LDLRAD4: variants seen among roughly 807,000 people sequenced by gnomAD.
The protein encoded by LDLRAD4 is low density lipoprotein receptor class A domain containing 4.
A neutral mutation model predicts 17.0 loss-of-function variants in LDLRAD4; 5 were observed. The ratio of observed to expected loss-of-function variants is 0.29; its 90% confidence interval spans 0.15 to 0.62. The LOEUF is 0.62. LDLRAD4 is among the 20% of genes least tolerant of loss of function. The probability of loss-of-function intolerance (pLI) is 0.84; values close to 1 mark genes in which losing one functional copy is unlikely to be tolerated. For synonymous variants in LDLRAD4, 168 were observed against 171.8 expected, an observed-to-expected ratio of 0.98 and a Z score of 0.17; for missense variants, 340 against 424.7, an observed-to-expected ratio of 0.80 and a Z score of 1.75.
intron 1 of LDLRAD4, among the ~76,000 whole-genome samples, chr18:13,353,579 T>C (rs951934623): frequency 6.6e-6 from 1 of 152,222 alleles, no homozygotes; most frequent in Non-Finnish European, 1.5e-5. Flanking sequence ...TGCCTTTTCC[T>C]AGCCTGAGAG....
At chr18:13,374,311 A>G (rs1406907590) in intron 1 of LDLRAD4, among the ~76,000 whole-genome samples, 1 of 152,236 alleles carries the variant, frequency 6.6e-6, no homozygotes, top group African/African-American at 2.4e-5. Context: ...GAGCTGGGTC[A>G]TGGACTGCAG....
At chr18:13,458,513 G>A (rs1240371608) in intron 3 of LDLRAD4, among the ~76,000 whole-genome samples, 1 of 152,214 alleles carries the variant, frequency 6.6e-6, no homozygotes, top group African/African-American at 2.4e-5. Context: ...CGCCTATTTT[G>A]AAACATTCAC....
At chr18:13,362,375 T>G (rs999141488) in intron 1 of LDLRAD4, 1 of 152,214 alleles carries the variant, frequency 6.6e-6, no homozygotes, top group Non-Finnish European at 1.5e-5. Context: ...ATAGACCTTG[T>G]AAATGGAGTT....
At chr18:13,283,513 A>G (rs1358533184) in intron 1 of LDLRAD4, among the ~76,000 whole-genome samples, 1 of 152,220 alleles carries the variant, frequency 6.6e-6, no homozygotes, top group East Asian at 1.9e-4. Flanking sequence ...AGCAAGAGTC[A>G]GTTTTGCTCC....
chr18:13,444,420 C>G (rs560337572), intron 3 of LDLRAD4, among the ~76,000 whole-genome samples: 9 of 152,310 alleles, frequency 5.9e-5, no homozygotes, highest in African/African-American at 2.2e-4. Flanking sequence ...TGTAAGAATG[C>G]AATATATCAT....
At chr18:13,240,104 A>C (rs1407723202) in intron 1 of LDLRAD4, 4 of 152,228 alleles carry the variant, frequency 2.6e-5, no homozygotes, top group African/African-American at 9.6e-5. Context: ...AACTCATTGC[A>C]CATTAGTTAA....
intron 1 of LDLRAD4, among the ~76,000 whole-genome samples, chr18:13,370,424 C>G (rs796321667): frequency 8.5e-5 from 13 of 152,170 alleles, no homozygotes; most frequent in African/African-American, 3.1e-4. Context: ...ACCTGTGGAA[C>G]CACATCTTAA....
intron 3 of LDLRAD4, chr18:13,471,199 C>G (rs970004967): frequency 6.6e-6 from 1 of 152,292 alleles, no homozygotes; most frequent in Admixed American, 6.5e-5. Context: ...GCCTGGCCCT[C>G]CGTGAGACCA....
At chr18:13,312,768 C>T (rs571267530) in intron 1 of LDLRAD4, among the ~76,000 whole-genome samples, 2 of 152,204 alleles carry the variant, frequency 1.3e-5, no homozygotes, top group South Asian at 4.1e-4. Context: ...AACAAAAATA[C>T]ACACAAAACT....
chr18:13,244,328 A>G (rs1313269399), intron 1 of LDLRAD4, among the ~76,000 whole-genome samples: 1 of 147,554 alleles, frequency 6.8e-6, no homozygotes, highest in Non-Finnish European at 1.5e-5. Context: ...CCACCCATCC[A>G]ACCCACGAAT....
At chr18:13,224,764 G>A (rs113339513) in intron 1 of LDLRAD4, among the ~76,000 whole-genome samples, 3 of 151,794 alleles carry the variant, frequency 2.0e-5, no homozygotes, top group African/African-American at 7.2e-5. Context: ...ACAGGCATGA[G>A]CCACTGCATC....
intron 3 of LDLRAD4, among the ~76,000 whole-genome samples, chr18:13,527,391 G>A (rs950009813): frequency 3.3e-5 from 5 of 152,246 alleles, no homozygotes; most frequent in Admixed American, 2.6e-4. Flanking sequence ...CTGACACTTG[G>A]GTTTGCTGGC....
At chr18:13,247,483 C>T (rs4797752) in intron 1 of LDLRAD4, among the ~76,000 whole-genome samples, 38,928 of 152,178 alleles carry the variant, frequency 0.26, 6,306 homozygotes, top group Non-Finnish European at 0.36. Flanking sequence ...CATCTAACCA[C>T]TGCTTTTTAT....
intron 3 of LDLRAD4, among the ~76,000 whole-genome samples, chr18:13,572,147 G>A (rs2094701219): frequency 6.6e-6 from 1 of 152,220 alleles, no homozygotes; most frequent in African/African-American, 2.4e-5. Flanking sequence ...AGGACTTGCT[G>A]TATGTCATTT....
intron 3 of LDLRAD4, among the ~76,000 whole-genome samples, chr18:13,586,419 A>AAAAAAAAAAAAAAAAAAAAAAAC (rs1568371860): frequency 6.7e-6 from 1 of 148,450 alleles, no homozygotes; most frequent in Non-Finnish European, 1.5e-5. Flanking sequence ...AAAAAAAAAA[A>AAAAAAAAAAAAAAAAAAAAAAAC]AAGAATAGAA....
At chr18:13,225,389 G>A (rs1004805712) in intron 1 of LDLRAD4, among the ~76,000 whole-genome samples, 33 of 152,224 alleles carry the variant, frequency 2.2e-4, no homozygotes, top group African/African-American at 7.5e-4. Context: ...GATGGATGCT[G>A]ACCCCTATGT....
At chr18:13,358,001 T>C (rs1320576782) in intron 1 of LDLRAD4, among the ~76,000 whole-genome samples, 1 of 152,208 alleles carries the variant, frequency 6.6e-6, no homozygotes, top group African/African-American at 2.4e-5. Context: ...TCTGGTTGTT[T>C]CCTGAGTCCT....
chr18:13,557,804 TTA>T (rs2094499777), intron 3 of LDLRAD4, among the ~76,000 whole-genome samples: 1 of 152,226 alleles, frequency 6.6e-6, no homozygotes, highest in African/African-American at 2.4e-5. Flanking sequence ...TTGTCTGTTG[TTA>T]CCATCATGAT....
rs530841299 is a variant in LDLRAD4 at position 13,397,298 on chromosome 18, C to A, written c.40+9536C>A. Among the ~76,000 whole-genome samples the A allele has an allele frequency of 4.4e-3, 663 of 152,318 alleles. 5 individuals are homozygous for A. The highest frequency in any genetic ancestry group is 7.0e-3 in the Non-Finnish European group (477 of 68,028). ...AGCTGGGACTACAGGCACCCGCCAC[C>A]ACACCTGCCTAATTTTTTGTATTTT... is the stretch of plus-strand genomic sequence containing the variant. On this transcript the variant is annotated intron_variant, in intron 2 of 5. Transcript: ENST00000359446.
Sources: gnomAD v4.1 joint callset for allele counts (sites outside exome capture counted in the v4.1 genomes callset) on GRCh38, gnomAD v4.1.1 for gene constraint, MANE v1.5 for transcripts, NCBI Gene and HGNC (gene_info 2026-07-23, HGNC 2026-07-21) for gene names.